The following ABHD2 variants were observed in gnomAD, a reference collection of about 807,000 sequenced individuals.
ABHD2 encodes abhydrolase domain containing 2, acylglycerol lipase, also known as monoacylglycerol lipase ABHD2.
In ABHD2, 20 loss-of-function variants were observed where a neutral mutation model predicts 48.1. That is an observed-to-expected ratio of 0.42 (90% CI 0.29 to 0.60). The LOEUF (loss-of-function observed/expected upper bound fraction) is 0.60, where lower values mean the gene tolerates loss of function less well. Among genes scored for constraint, ABHD2 ranks in the 20% least tolerant of loss-of-function variants. The pLI, the probability that ABHD2 is intolerant of heterozygous loss-of-function variation, is 0.24. For synonymous variants in ABHD2, 209 were observed against 214.2 expected, an observed-to-expected ratio of 0.98 and a Z score of 0.21; for missense variants, 405 against 550.9, an observed-to-expected ratio of 0.74 and a Z score of 2.65.
the ABHD2 span, among the ~76,000 whole-genome samples, chr15:89,077,809 C>G: frequency 5.9e-5 from 9 of 152,234 alleles, no homozygotes; most frequent in East Asian, 3.9e-4. Flanking sequence ...TCAAGTTAAC[C>G]TGGTCTGCTT....
Position 89,188,165 on chromosome 15 carries a change from T to C in ABHD2, c.816-28T>C. 1 of 1,598,554 alleles carries C rather than the reference T, an allele frequency of 6.3e-7. No individual in the cohort carries two copies. The highest frequency in any genetic ancestry group is 8.6e-7 in the Non-Finnish European group (1 of 1,165,892). On this transcript the variant is annotated intron_variant, in intron 7 of 10. Transcript: ENST00000352732. This position sits in a 1 kb window ranked among gnomAD's most constrained non-coding sequence, Gnocchi z 4.1. ...TGGTTGTTCATCCTCCACATCTTAA[T>C]CTCTGTTTGCTTTTGTGTTTGCTCT...
chr15:89,097,221 C>G lies in ABHD2; in HGVS notation c.-107+8658C>G, dbSNP rs1023693807. Among the ~76,000 whole-genome samples the G allele has an allele frequency of 1.3e-5, 2 of 152,218 alleles. No homozygotes were observed. The highest frequency in any genetic ancestry group is 2.9e-5 in the Non-Finnish European group (2 of 68,040). ...TTTAACAATAATCAACTCATAACCA[C>G]TCACATTTACTCTGTCTTCCTAGCT... On this transcript the variant is annotated intron_variant, in intron 1 of 10. Transcript: ENST00000352732. The surrounding 1 kb of genome is among the most constrained non-coding windows in gnomAD (Gnocchi z 4.2).
chr15:89,079,832 G>A, the ABHD2 span, among the ~76,000 whole-genome samples: 5 of 152,254 alleles, frequency 3.3e-5, no homozygotes, highest in South Asian at 2.1e-4. The surrounding 1 kb of genome is among the most constrained non-coding windows in gnomAD (Gnocchi z 4.3). Context: ...AGGTGAAGCC[G>A]AGAACACGGG....
the ABHD2 span, among the ~76,000 whole-genome samples, chr15:89,078,084 G>T: frequency 6.6e-6 from 1 of 152,076 alleles, no homozygotes; most frequent in South Asian, 2.1e-4. Context: ...GATCATCTCT[G>T]ACCCTTCTCT....
intron 1 of ABHD2, among the ~76,000 whole-genome samples, chr15:89,107,279 T>A (rs1177606738): frequency 6.6e-6 from 1 of 152,194 alleles, no homozygotes; most frequent in Non-Finnish European, 1.5e-5. Flanking sequence ...AGTGATTTAT[T>A]AAGTCTAACA....
chr15:89,144,158 C>T (rs974172100), intron 3 of ABHD2, among the ~76,000 whole-genome samples: 2 of 151,800 alleles, frequency 1.3e-5, no homozygotes, highest in African/African-American at 2.4e-5. Context: ...TTTTGAGATA[C>T]GGTCTCACTC....
At chr15:89,117,631 T>G (rs1204385426) in intron 3 of ABHD2, among the ~76,000 whole-genome samples, 2 of 152,252 alleles carry the variant, frequency 1.3e-5, no homozygotes, top group African/African-American at 4.8e-5. Flanking sequence ...CAGAGAGATG[T>G]CTTCCTCAAG....
intron 4 of ABHD2, among the ~76,000 whole-genome samples, chr15:89,153,781 T>C (rs2050629630): frequency 6.6e-6 from 1 of 152,128 alleles, no homozygotes; most frequent in African/African-American, 2.4e-5. Context: ...ACCCAACATA[T>C]ATTATTAACG....
rs2050661018 is a variant in ABHD2 at position 89,155,644 on chromosome 15, G to A, written c.538+110G>A. 2 of 1,357,568 alleles carry A rather than the reference G, an allele frequency of 1.5e-6. No homozygotes were observed. Among genetic ancestry groups the A allele is most frequent in the Non-Finnish European group, 2.0e-6 (2 of 996,134 alleles). The allele number at this position is 1,357,568 out of a possible 1,614,324, so 84.1% of individuals were successfully genotyped here. On this transcript the variant is annotated intron_variant, in intron 5 of 10. Coordinates refer to ENST00000352732, the MANE Select transcript of ABHD2 (RefSeq NM_152924.5). The surrounding 1 kb of genome is among the most constrained non-coding windows in gnomAD (Gnocchi z 4.9). ...TTTAAACCTATGCCCATCTGCAAGA[G>A]ATGGTAGGTCACACGGTTATATCAA...
intron 3 of ABHD2, among the ~76,000 whole-genome samples, chr15:89,138,037 C>G (rs932156621): frequency 2.0e-5 from 3 of 152,210 alleles, no homozygotes; most frequent in Non-Finnish European, 4.4e-5. Context: ...TTCAGGTCCA[C>G]CAGGCTAGGG....
the ABHD2 span, among the ~76,000 whole-genome samples, chr15:89,053,038 G>A: frequency 4.0e-5 from 6 of 151,298 alleles, no homozygotes; most frequent in Non-Finnish European, 7.4e-5. Flanking sequence ...CGTGGTCTTG[G>A]CTCACTGCAA....
the ABHD2 span, among the ~76,000 whole-genome samples, chr15:89,069,345 C>T: frequency 6.6e-6 from 1 of 151,938 alleles, no homozygotes; most frequent in African/African-American, 2.4e-5. Flanking sequence ...CAAGGCTGGC[C>T]TCAAACTCCT....
chr15:89,109,666 A>G (rs1263384205), intron 1 of ABHD2, among the ~76,000 whole-genome samples: 1 of 152,164 alleles, frequency 6.6e-6, no homozygotes, highest in Non-Finnish European at 1.5e-5. Flanking sequence ...CAGAATATTA[A>G]TATATAGTGA....
At chr15:89,135,856 AACAGAACAGG>A in intron 3 of ABHD2, 2 of 732,264 alleles carry the variant, frequency 2.7e-6, no homozygotes, top group Admixed American at 3.8e-5. Context: ...CTCAGAACAG[AACAGAACAGG>A]ACAGAACAGA....
rs781020294 is a variant in ABHD2 at position 89,100,629 on chromosome 15, G to A, written c.-107+12066G>A. Among the ~76,000 whole-genome samples, 1 of 152,096 alleles carries A rather than the reference G, an allele frequency of 6.6e-6. No individual in the cohort carries two copies. ...TCACGCCTGTAATCCCAGCACTTTC[G>A]GAGGCTGAGGTGGGTGGATCACGAG... On this transcript the variant is annotated intron_variant, in intron 1 of 10. Coordinates refer to ENST00000352732, the MANE Select transcript of ABHD2 (RefSeq NM_152924.5). This position sits in a 1 kb window ranked among gnomAD's most constrained non-coding sequence, Gnocchi z 4.4.
chr15:89,095,770 T>C (rs946803162), intron 1 of ABHD2, among the ~76,000 whole-genome samples: 20 of 152,178 alleles, frequency 1.3e-4, no homozygotes, highest in Admixed American at 9.8e-4. Context: ...TGAGGATGTG[T>C]CCTTGAGGTT....
At chr15:89,068,055 T>C in the ABHD2 span, among the ~76,000 whole-genome samples, 1 of 152,156 alleles carries the variant, frequency 6.6e-6, no homozygotes. Context: ...CTAGACTTCA[T>C]AGTCTTTTTC....
Position 89,167,808 on chromosome 15 carries a change from G to A in ABHD2, c.539-8004G>A, listed in dbSNP as rs2050859981. On this transcript the variant is annotated intron_variant, in intron 5 of 10. Coordinates refer to ENST00000352732, the MANE Select transcript of ABHD2 (RefSeq NM_152924.5). The surrounding 1 kb of genome is among the most constrained non-coding windows in gnomAD (Gnocchi z 5.5). ...CTATGGAAGTGACAGGGGCTGCTAG[G>A]CCCCTAACCGCCCACCTGTCAGCGA... is the stretch of plus-strand genomic sequence containing the variant. Among the ~76,000 whole-genome samples, 1 of 152,132 alleles carries A rather than the reference G, an allele frequency of 6.6e-6. No homozygotes were observed. Among genetic ancestry groups the A allele is most frequent in the Non-Finnish European group, 1.5e-5 (1 of 68,030 alleles).
rs2051471324 is a variant in ABHD2, at chr15:89,202,058, G to C, written c.*6635G>C. The C allele has an allele frequency of 3.0e-6, 1 of 328,854 alleles. No homozygotes were observed. The highest frequency in any genetic ancestry group is 2.2e-5 in the African/African-American group (1 of 45,656). 20.4% of individuals were successfully genotyped at this position (328,854 alleles called of 1,614,324 possible). A position where few individuals can be genotyped will look rare whatever the true frequency, so the allele number is the denominator to read the frequency against. On this transcript the variant is annotated 3_prime_UTR_variant, in exon 11 of 11. Coordinates refer to ENST00000352732, the MANE Select transcript of ABHD2 (RefSeq NM_152924.5). ...TGCCCCGAAAATACTATATTTTTGA[G>C]TTTGTGTTCTGAAAGCCTCCGTGCT...
Sources: gnomAD v4.1 joint callset for allele counts (sites outside exome capture counted in the v4.1 genomes callset) on GRCh38, gnomAD v4.1.1 for gene constraint, Gnocchi (gnomAD v3.1) non-coding constraint, MANE v1.5 for transcripts, NCBI Gene and HGNC (gene_info 2026-07-23, HGNC 2026-07-21) for gene names.